Variants in SEPTIN11 observed in about 807,000 individuals in gnomAD.
The protein encoded by SEPTIN11 is septin-11.
In SEPTIN11, 25 loss-of-function variants were observed where a neutral mutation model predicts 51.4. That is an observed-to-expected ratio of 0.49 (90% CI 0.35 to 0.68). The LOEUF (loss-of-function observed/expected upper bound fraction) is 0.68. Ranked by LOEUF, SEPTIN11 falls within the 30% of genes least tolerant of loss-of-function variation. SEPTIN11 has a pLI of 0.00. For synonymous variants in SEPTIN11, 174 were observed against 184.1 expected, an observed-to-expected ratio of 0.95 and a Z score of 0.44; for missense variants, 381 against 520.8, an observed-to-expected ratio of 0.73 and a Z score of 2.61.
chr4:76,987,736 C>A, intron 1 of SEPTIN11: 2 of 412,394 alleles, frequency 4.8e-6, no homozygotes, highest in Non-Finnish European at 6.5e-6. Context: ...TCTCCAGATA[C>A]TGGGAGGTGG....
intron 3 of SEPTIN11, chr4:77,009,878 A>G (rs1020121587): frequency 4.6e-5 from 7 of 152,182 alleles, no homozygotes; most frequent in Non-Finnish European, 1.0e-4. Context: ...TCAGCCCCAG[A>G]CTCAAAGGGC....
chr4:77,019,756 G>A (rs959251328), intron 6 of SEPTIN11, among the ~76,000 whole-genome samples: 9 of 152,170 alleles, frequency 5.9e-5, no homozygotes, highest in Admixed American at 2.0e-4. Context: ...AGCTTGTCAC[G>A]TGTGTCACTT....
intron 1 of SEPTIN11, 41 bp downstream of exon 1, chr4:76,949,971 G>C (rs777217172): frequency 7.0e-7 from 1 of 1,433,404 alleles, no homozygotes; most frequent in Non-Finnish European, 9.1e-7. Flanking sequence ...CGGGCGCCGG[G>C]TGGTCTCTGC....
In SEPTIN11 at chr4:77,037,619, G is replaced by T. The variant is rs930351842; in HGVS notation, c.*3107G>T. 2.0e-4 allele frequency: 195 copies of T among 985,244 alleles called. No individual in the cohort carries two copies. The highest frequency in any genetic ancestry group is 2.2e-4 in the Non-Finnish European group (184 of 829,922). 61.0% of individuals were successfully genotyped at this position (985,244 alleles called of 1,614,324 possible). A position where few individuals can be genotyped will look rare whatever the true frequency, so the allele number is the denominator to read the frequency against. On this transcript the variant is annotated 3_prime_UTR_variant, in exon 10 of 10. Coordinates refer to ENST00000264893, the MANE Select transcript of SEPTIN11 (RefSeq NM_018243.4). ...GCCACCTCTTTTTTGGGGATTGAGG[G>T]GCCTACATAACTAGCTGGCCTTACC... is the stretch of plus-strand genomic sequence containing the variant.
In SEPTIN11 at chr4:77,034,359, G is replaced by C. The variant is rs559162318; in HGVS notation, c.1275-138G>C. The C allele has an allele frequency of 4.9e-3, 3,407 of 699,758 alleles. 19 individuals are homozygous for C. The highest frequency in any genetic ancestry group is 0.023 in the Middle Eastern group (51 of 2,220). The allele number at this position is 699,758 out of a possible 1,614,324, so 43.3% of individuals were successfully genotyped here. On this transcript the variant is annotated intron_variant, in intron 9 of 9. Coordinates refer to ENST00000264893, the MANE Select transcript of SEPTIN11 (RefSeq NM_018243.4). Reference sequence around the variant, plus strand: ...TGTAGAGTAGCCTTCTCAAATTTTTGGTTTTAATTTCTGTCAATTCCATAA... The same window carrying C: ...TGTAGAGTAGCCTTCTCAAATTTTTCGTTTTAATTTCTGTCAATTCCATAA...
chr4:77,038,046 G>C lies in SEPTIN11; in HGVS notation c.*3534G>C, dbSNP rs760489980. On this transcript the variant is annotated 3_prime_UTR_variant, in exon 10 of 10. Transcript: ENST00000264893. ...TACCGACCCACGTCCTGCTGTCTCTGTGTGGTCCTACAAAAACTGTCCATT... is the reference window on the plus strand; with the variant it reads ...TACCGACCCACGTCCTGCTGTCTCTCTGTGGTCCTACAAAAACTGTCCATT... 1 of 985,724 alleles carries C rather than the reference G, an allele frequency of 1.0e-6. No individual in the cohort carries two copies. The highest frequency in any genetic ancestry group is 1.2e-6 in the Non-Finnish European group (1 of 829,944). 61.1% of individuals were successfully genotyped at this position (985,724 alleles called of 1,614,324 possible).
At chr4:77,021,776 G>A (rs373392154) in intron 7 of SEPTIN11, 3 of 152,550 alleles carry the variant, frequency 2.0e-5, no homozygotes, top group African/African-American at 4.8e-5. Context: ...TTCTGTCCCC[G>A]TGGGTCTGTA....
At chr4:76,999,377 G>T (rs1188359929) in intron 2 of SEPTIN11, among the ~76,000 whole-genome samples, 2 of 152,288 alleles carry the variant, frequency 1.3e-5, no homozygotes, top group Admixed American at 6.5e-5. Context: ...GGACGGCCTC[G>T]TAGAGGAGGA....
intron 1 of SEPTIN11, chr4:76,972,434 C>T (rs1204878170): frequency 2.6e-5 from 4 of 152,160 alleles, no homozygotes; most frequent in African/African-American, 9.7e-5. Context: ...AGTTCATTCA[C>T]CCAGTGGGAG....
intron 7 of SEPTIN11, among the ~76,000 whole-genome samples, chr4:77,026,785 C>T (rs1235901954): frequency 6.6e-6 from 1 of 152,210 alleles, no homozygotes; most frequent in Admixed American, 6.5e-5. Flanking sequence ...GAGTCATCCT[C>T]TACCTTTGGC....
intron 5 of SEPTIN11, among the ~76,000 whole-genome samples, chr4:77,016,480 A>G (rs1185960441): frequency 6.9e-6 from 1 of 145,914 alleles, no homozygotes; most frequent in Non-Finnish European, 1.5e-5. Flanking sequence ...AATACAAAAT[A>G]TATATATATA....
In SEPTIN11 at chr4:76,996,433, G is replaced by A. The variant is rs758009391; in HGVS notation, c.36G>A (p.Glu12=). The A allele has an allele frequency of 2.5e-6, 4 of 1,613,760 alleles. No individual in the cohort carries two copies. Among genetic ancestry groups the A allele is most frequent in the Non-Finnish European group, 3.4e-6 (4 of 1,179,638 alleles). Reference sequence around the variant, plus strand: ...CTCCCCTGAAATTGCAGAATGAAGAGCTTCGAAACTTGTCTTTGTCTGGCC... The same window carrying A: ...CTCCCCTGAAATTGCAGAATGAAGAACTTCGAAACTTGTCTTTGTCTGGCC... The part of the protein sequence containing the change: ...AVAVGRPSNE[E]LRNLSLSGHV... The change falls in exon 2 of 10, where the codon GAG becomes GAA. Residue 12 remains glutamate (E), a synonymous_variant. Transcript: ENST00000264893.
chr4:76,999,778 A>G lies in SEPTIN11; in HGVS notation c.142+3239A>G, dbSNP rs187668385. On this transcript the variant is annotated intron_variant, in intron 2 of 9. Coordinates refer to ENST00000264893, the MANE Select transcript of SEPTIN11 (RefSeq NM_018243.4). ...TGGGAAGGCATGTAATAGAGGAAGA[A>G]TAGTTTTCATTTCACTGGGAAGAGA... is the stretch of plus-strand genomic sequence containing the variant. 3.8e-3 allele frequency among the ~76,000 whole-genome samples: 582 copies of G among 152,316 alleles called. 4 individuals carry two copies. The highest frequency in any genetic ancestry group is 0.013 in the African/African-American group (543 of 41,564).
At chr4:76,994,309 G>A (rs570825501) in intron 1 of SEPTIN11, among the ~76,000 whole-genome samples, 1 of 152,330 alleles carries the variant, frequency 6.6e-6, no homozygotes, top group South Asian at 2.1e-4. Flanking sequence ...CTTGGCGGAT[G>A]TGGTAAACAC....
intron 1 of SEPTIN11, among the ~76,000 whole-genome samples, chr4:76,964,290 G>A (rs1227392401): frequency 7.7e-6 from 1 of 129,212 alleles, no homozygotes; most frequent in Non-Finnish European, 1.6e-5. Context: ...ATCAATTCTT[G>A]GCCAATCATT....
intron 3 of SEPTIN11, among the ~76,000 whole-genome samples, chr4:77,011,296 GA>G (rs1342451509): frequency 1.3e-5 from 2 of 152,194 alleles, no homozygotes; most frequent in Admixed American, 1.3e-4. Flanking sequence ...ACTTTTCTGA[GA>G]TGGATTTTTG....
In SEPTIN11 at chr4:76,949,890, G is replaced by C; in HGVS notation, c.-14G>C. The stretch of plus-strand genomic sequence containing the variant: ...AAGCACCCGGGCGCAGCCGGAGCCG[G>C]TGCCGCAGCTGCGATGGCCGTGGCC... On this transcript the variant is annotated 5_prime_UTR_variant, in exon 1 of 10. Coordinates refer to ENST00000264893, the MANE Select transcript of SEPTIN11 (RefSeq NM_018243.4). The C allele has an allele frequency of 6.5e-7, 1 of 1,528,624 alleles. No individual in the cohort carries two copies. The highest frequency in any genetic ancestry group is 8.7e-7 in the Non-Finnish European group (1 of 1,145,492). The allele number at this position is 1,528,624 out of a possible 1,614,324, so 94.7% of individuals were successfully genotyped here. A position where few individuals can be genotyped will look rare whatever the true frequency, so the allele number is the denominator to read the frequency against.
chr4:76,956,993 T>TGTGTGA (rs769320568), intron 1 of SEPTIN11, among the ~76,000 whole-genome samples: 3,702 of 98,536 alleles, frequency 0.038, 86 homozygotes, highest in Admixed American at 0.084. Flanking sequence ...TGTGTGTGTG[T>TGTGTGA]GAGAGAGAGA....
rs762611083 is a variant in SEPTIN11, at chr4:77,005,592, G to T, written c.143-9G>T. 2.5e-6 allele frequency: 4 copies of T among 1,607,496 alleles called. No homozygotes were observed. In the South Asian group the frequency reaches 3.3e-5, roughly 13 times the overall value. ...CACATTCTCTGATTTTTCTTTTGTG[G>T]TTATGTAGGTGAGACAGGCATTGGC... On this transcript the variant is annotated splice_polypyrimidine_tract_variant and intron_variant, in intron 2 of 9. Transcript: ENST00000264893.
Sources: gnomAD v4.1 joint callset for allele counts (sites outside exome capture counted in the v4.1 genomes callset) on GRCh38, gnomAD v4.1.1 for gene constraint, MANE v1.5 for transcripts, NCBI Gene and HGNC (gene_info 2026-07-23, HGNC 2026-07-21) for gene names.